The following CLASP1 variants were observed in gnomAD, a reference collection of about 807,000 sequenced individuals.
The protein encoded by CLASP1 is CLIP-associating protein 1.
A neutral mutation model predicts 192.3 loss-of-function variants in CLASP1; 38 were observed. The observed-to-expected ratio is 0.20, with a 90% CI of 0.15 to 0.26. The LOEUF (loss-of-function observed/expected upper bound fraction) is 0.26. Among genes scored for constraint, CLASP1 ranks in the 10% least tolerant of loss-of-function variants. The pLI is 1.00. For synonymous variants in CLASP1, 691 were observed against 712.8 expected, an observed-to-expected ratio of 0.97 and a Z score of 0.49; for missense variants, 1,433 against 1,932.5, an observed-to-expected ratio of 0.74 and a Z score of 4.85.
intron 17 of CLASP1, 126 bp from the exon 18 acceptor site, chr2:121,448,451 T>C (rs972172418): frequency 4.8e-6 from 4 of 828,156 alleles, no homozygotes; most frequent in South Asian, 4.7e-5. Flanking sequence ...TTGGGCAATG[T>C]GAACCACAAT....
At chr2:121,510,375 T>G (rs1199873699) in intron 7 of CLASP1, among the ~76,000 whole-genome samples, 1 of 152,302 alleles carries the variant, frequency 6.6e-6, no homozygotes, top group Middle Eastern at 3.4e-3. Context: ...CTGCTAAGCA[T>G]GTACAAATAA....
At chr2:121,625,416 T>G (rs1379854904) in intron 1 of CLASP1, among the ~76,000 whole-genome samples, 1 of 151,002 alleles carries the variant, frequency 6.6e-6, no homozygotes, top group African/African-American at 2.4e-5. Context: ...TTGAGAGATT[T>G]TCTTTCTTTC....
At chr2:121,461,133 C>T (rs758624626) in exon 11 of CLASP1, 1 of 1,606,912 alleles carries the variant, frequency 6.2e-7, no homozygotes, top group Non-Finnish European at 8.5e-7. Context: ...TCATGCTTGT[C>T]ATCAGATAAT....
chr2:121,583,543 T>C (rs1408790237), intron 2 of CLASP1, among the ~76,000 whole-genome samples: 1 of 152,230 alleles, frequency 6.6e-6, no homozygotes, highest in African/African-American at 2.4e-5. Flanking sequence ...CTGCCACTTA[T>C]CCATTTTGGC....
At chr2:121,447,633 A>G in intron 18 of CLASP1, 126 bp from the exon 19 acceptor site, 1 of 796,386 alleles carries the variant, frequency 1.3e-6, no homozygotes. Context: ...CTGGAGCATA[A>G]AAAACTGACA....
chr2:121,585,313 A>C (rs772074915), intron 2 of CLASP1, among the ~76,000 whole-genome samples: 1 of 152,236 alleles, frequency 6.6e-6, no homozygotes, highest in Non-Finnish European at 1.5e-5. Flanking sequence ...AATGCTTTCA[A>C]GACATCTCTG....
At chr2:121,503,349 G>A (rs2093824179) in intron 7 of CLASP1, 115 bp from the exon 8 acceptor site, 2 of 627,178 alleles carry the variant, frequency 3.2e-6, no homozygotes, top group South Asian at 2.0e-5. Context: ...CAATGGTACA[G>A]ACCCACCTAG....
chr2:121,449,851 A>C (rs113316585), intron 16 of CLASP1, among the ~76,000 whole-genome samples: 177 of 152,336 alleles, frequency 1.2e-3, no homozygotes, highest in African/African-American at 4.1e-3. Flanking sequence ...AATGCAGCTA[A>C]GTAAAACCGT....
chr2:121,480,954 G>A (rs763851459), intron 8 of CLASP1, among the ~76,000 whole-genome samples: 42 of 152,342 alleles, frequency 2.8e-4, no homozygotes, highest in Non-Finnish European at 4.1e-4. Context: ...GAGAACCGAC[G>A]TCTAATGCCT....
At chr2:121,602,342 C>A (rs1457857646) in intron 2 of CLASP1, among the ~76,000 whole-genome samples, 1 of 152,064 alleles carries the variant, frequency 6.6e-6, no homozygotes, top group Admixed American at 6.6e-5. Flanking sequence ...AGAAAGACAT[C>A]ACATGCTCAT....
chr2:121,582,243 GAGGAC>G (rs1397882851), intron 2 of CLASP1, among the ~76,000 whole-genome samples: 8 of 150,642 alleles, frequency 5.3e-5, no homozygotes, highest in Admixed American at 1.3e-4. Context: ...GGGAGGGAAG[GAGGAC>G]AGGACAGGAC....
intron 2 of CLASP1, among the ~76,000 whole-genome samples, chr2:121,570,790 G>C (rs946965975): frequency 6.6e-6 from 1 of 152,114 alleles, no homozygotes; most frequent in African/African-American, 2.4e-5. Context: ...GGTTAGGATG[G>C]ATGCCAAGGC....
chr2:121,604,148 T>A (rs1469958189), intron 2 of CLASP1, among the ~76,000 whole-genome samples: 2 of 152,220 alleles, frequency 1.3e-5, no homozygotes, highest in Non-Finnish European at 2.9e-5. Flanking sequence ...CAAATTATAT[T>A]CATCAAAATA....
chr2:121,625,427 A>ATTTTTTTTTTTTTTTTTTTTTTTT (rs397868546), intron 1 of CLASP1, among the ~76,000 whole-genome samples: 1 of 95,752 alleles, frequency 1.0e-5, no homozygotes. Flanking sequence ...TCTTTCTTTC[A>ATTTTTTTTTTTTTTTTTTTTTTTT]TTTTTTTTTT....
intron 34 of CLASP1, among the ~76,000 whole-genome samples, chr2:121,369,499 AAAAAC>A (rs1054740738): frequency 2.2e-4 from 33 of 152,350 alleles, no homozygotes; most frequent in African/African-American, 7.7e-4. Flanking sequence ...GAGGTTTAAA[AAAAAC>A]AAAAAAAGAG....
At chr2:121,515,812 AAGTCCTGCTGGG>A (rs748372206) in intron 6 of CLASP1, 50 bp from the exon 7 acceptor site, 4 of 1,528,608 alleles carry the variant, frequency 2.6e-6, no homozygotes, top group Non-Finnish European at 2.7e-6. Context: ...ATCCCCCAGC[AAGTCCTGCTGGG>A]ACACAACAGG....
At chr2:121,416,125 G>C (rs2078530145) in intron 23 of CLASP1, among the ~76,000 whole-genome samples, 1 of 152,068 alleles carries the variant, frequency 6.6e-6, no homozygotes. Context: ...CTGATATGTA[G>C]GTTCCTTAAA....
intron 6 of CLASP1, among the ~76,000 whole-genome samples, chr2:121,522,829 A>G (rs1183329237): frequency 6.6e-6 from 1 of 152,242 alleles, no homozygotes; most frequent in Non-Finnish European, 1.5e-5. Context: ...CCTGCAATTA[A>G]GGTTTTTCAT....
chr2:121,529,647 G>T (rs931773733), intron 3 of CLASP1, among the ~76,000 whole-genome samples: 7 of 152,154 alleles, frequency 4.6e-5, no homozygotes, highest in South Asian at 2.1e-4. Context: ...TGAAATCTGT[G>T]GGTTTTGTTT....
Sources: gnomAD v4.1 joint callset for allele counts (sites outside exome capture counted in the v4.1 genomes callset) on GRCh38, gnomAD v4.1.1 for gene constraint, MANE v1.5 for transcripts, NCBI Gene and HGNC (gene_info 2026-07-23, HGNC 2026-07-21) for gene names.